The following GRAMD1B variants were observed in gnomAD, a reference collection of about 807,000 sequenced individuals.
GRAMD1B encodes GRAM domain containing 1B.
Under a neutral mutation model 99.7 loss-of-function variants are expected in GRAMD1B, and 37 were observed. That is an observed-to-expected ratio of 0.37 (90% CI 0.29 to 0.49). The LOEUF (loss-of-function observed/expected upper bound fraction) is 0.49. Among genes scored for constraint, GRAMD1B ranks in the 20% least tolerant of loss-of-function variants. The pLI, the probability that GRAMD1B is intolerant of heterozygous loss-of-function variation, is 0.98. For synonymous variants in GRAMD1B, 427 were observed against 387.6 expected, an observed-to-expected ratio of 1.10 and a Z score of -1.19; for missense variants, 888 against 1,009.2, an observed-to-expected ratio of 0.88 and a Z score of 1.63.
At chr11:123,367,643 GA>G (rs1161693959) in intron 1 of GRAMD1B, among the ~76,000 whole-genome samples, 3 of 152,104 alleles carry the variant, frequency 2.0e-5, no homozygotes, top group Non-Finnish European at 4.4e-5. Context: ...GCCTGCTTGT[GA>G]AGGTCCAGTT....
At chr11:123,507,334 T>C in intron 2 of GRAMD1B, among the ~76,000 whole-genome samples, 1 of 152,236 alleles carries the variant, frequency 6.6e-6, no homozygotes, top group South Asian at 2.1e-4. Flanking sequence ...CAAAGCCTCA[T>C]GGCTTTTCAA....
At chr11:123,601,930 C>T (rs937228057) in intron 8 of GRAMD1B, among the ~76,000 whole-genome samples, 15 of 152,224 alleles carry the variant, frequency 9.9e-5, no homozygotes, top group African/African-American at 3.6e-4. Context: ...CCAAGCCAAG[C>T]CAGGTGGCGC....
At chr11:123,383,585 G>C (rs575741326) in intron 1 of GRAMD1B, among the ~76,000 whole-genome samples, 1 of 151,928 alleles carries the variant, frequency 6.6e-6, no homozygotes, top group Non-Finnish European at 1.5e-5. Flanking sequence ...CCACCACCTG[G>C]GCTGTCGGTC....
chr11:123,369,900 A>C (rs1298762391), intron 1 of GRAMD1B, among the ~76,000 whole-genome samples: 1 of 150,850 alleles, frequency 6.6e-6, no homozygotes, highest in African/African-American at 2.4e-5. Context: ...AGGAAAAAGA[A>C]AAAAAAAATC....
At chr11:123,513,866 G>A (rs1472552458) in intron 2 of GRAMD1B, among the ~76,000 whole-genome samples, 1 of 151,926 alleles carries the variant, frequency 6.6e-6, no homozygotes, top group Non-Finnish European at 1.5e-5. Context: ...ATGTTGCCCA[G>A]GCTGGTCTCG....
chr11:123,406,445 G>T (rs1009982851), intron 1 of GRAMD1B, among the ~76,000 whole-genome samples: 2 of 151,948 alleles, frequency 1.3e-5, no homozygotes, highest in Non-Finnish European at 2.9e-5. Context: ...GTAGAGACGG[G>T]GTTTCACCAT....
chr11:123,539,039 C>T (rs1944247255), intron 2 of GRAMD1B, among the ~76,000 whole-genome samples: 1 of 152,050 alleles, frequency 6.6e-6, no homozygotes, highest in Non-Finnish European at 1.5e-5. Context: ...TACTTCGTTA[C>T]TTTCTCTGGC....
chr11:123,380,796 C>A (rs1000058169), intron 1 of GRAMD1B, among the ~76,000 whole-genome samples: 4 of 152,132 alleles, frequency 2.6e-5, no homozygotes, highest in Non-Finnish European at 5.9e-5. Flanking sequence ...TGCTAGTGCA[C>A]CCCCACAGCC....
chr11:123,364,905 CT>C (rs1198328279), intron 1 of GRAMD1B, among the ~76,000 whole-genome samples: 2 of 151,994 alleles, frequency 1.3e-5, no homozygotes, highest in Non-Finnish European at 2.9e-5. Context: ...TATACAAAGT[CT>C]TTCATTTTTC....
At chr11:123,361,057 C>A (rs1946132261) in intron 1 of GRAMD1B, among the ~76,000 whole-genome samples, 1 of 151,948 alleles carries the variant, frequency 6.6e-6, no homozygotes, top group African/African-American at 2.4e-5. Context: ...ACCTTGTGAT[C>A]CACCCACCTC....
At chr11:123,508,126 A>G (rs1049277524) in intron 2 of GRAMD1B, among the ~76,000 whole-genome samples, 1 of 152,154 alleles carries the variant, frequency 6.6e-6, no homozygotes, top group Admixed American at 6.6e-5. Context: ...ATAACAGAAC[A>G]CCACAGGCTG....
chr11:123,595,420 A>C (rs1951155967), intron 6 of GRAMD1B, among the ~76,000 whole-genome samples: 1 of 151,864 alleles, frequency 6.6e-6, no homozygotes, highest in Admixed American at 6.6e-5. Context: ...CAGCCTCCCG[A>C]GTAGCTGGGA....
intron 3 of GRAMD1B, among the ~76,000 whole-genome samples, chr11:123,579,430 G>C (rs73615850): frequency 0.054 from 8,242 of 152,272 alleles, 339 homozygotes; most frequent in African/African-American, 0.12. Flanking sequence ...CATCTTGGCT[G>C]TGAGGATTTT....
At chr11:123,390,365 G>A (rs1947232960) in intron 1 of GRAMD1B, among the ~76,000 whole-genome samples, 1 of 152,082 alleles carries the variant, frequency 6.6e-6, no homozygotes, top group South Asian at 2.1e-4. Flanking sequence ...CCTGTCTCTG[G>A]GCATTGCTGA....
At chr11:123,440,802 C>T (rs7949719) in intron 1 of GRAMD1B, among the ~76,000 whole-genome samples, 34,273 of 152,066 alleles carry the variant, frequency 0.23, 5,003 homozygotes, top group Non-Finnish European at 0.31. Flanking sequence ...GTTGATATGG[C>T]TTGGCTGCGT....
chr11:123,390,008 C>T lies in GRAMD1B; in HGVS notation c.-176+31209C>T, dbSNP rs1375670461. The stretch of plus-strand genomic sequence containing the variant: ...CTGGCCCCAAGTGATCTGCCTGCCT[C>T]GGCCTCCCAAAGTGCTGGGATTACA... On this transcript the variant is annotated intron_variant, in intron 1 of 20. Coordinates refer to the GRAMD1B transcript ENST00000638157. 3.9e-5 allele frequency among the ~76,000 whole-genome samples: 6 copies of T among 152,180 alleles called. No homozygotes were observed. The South Asian group carries it at 8.3e-4, about 21-fold the overall frequency.
At chr11:123,390,780 T>C (rs1355517016) in intron 1 of GRAMD1B, among the ~76,000 whole-genome samples, 2 of 152,250 alleles carry the variant, frequency 1.3e-5, no homozygotes, top group Non-Finnish European at 2.9e-5. Flanking sequence ...CACTTTTCTT[T>C]GACCCCATCT....
chr11:123,359,079 G>A (rs1238237415), intron 1 of GRAMD1B, among the ~76,000 whole-genome samples: 1 of 152,144 alleles, frequency 6.6e-6, no homozygotes, highest in African/African-American at 2.4e-5. Flanking sequence ...AATTTCTGGA[G>A]GTGGCGGAGC....
In GRAMD1B at chr11:123,602,301, A is replaced by AATTATTATTATTATT. The variant is rs4063750; in HGVS notation, c.1051-1118_1051-1104dup. ...GAAACTGTGGGCTTGGGAGCTCTCA[A>AATTATTATTATTATT]ATTATTATTATTATTATTATTGTTA... On this transcript the variant is annotated intron_variant, in intron 8 of 19. Transcript: ENST00000635736. 1.5e-3 allele frequency among the ~76,000 whole-genome samples: 222 copies of AATTATTATTATTATT among 150,404 alleles called. 1 individual carries two copies. The highest frequency in any genetic ancestry group is 9.3e-3 in the South Asian group (44 of 4,718).
Sources: allele counts gnomAD v4.1 joint callset (sites outside exome capture counted in the v4.1 genomes callset), GRCh38; gene constraint gnomAD v4.1.1; transcripts MANE v1.5; gene names NCBI Gene and HGNC (gene_info 2026-07-23, HGNC 2026-07-21).